NOBOX: variants seen among roughly 807,000 people sequenced by gnomAD.
NOBOX encodes NOBOX oogenesis homeobox.
In NOBOX, 46 loss-of-function variants were observed where a neutral mutation model predicts 60.2. The observed-to-expected ratio is 0.76, with a 90% CI of 0.60 to 0.98. The LOEUF (loss-of-function observed/expected upper bound fraction) is 0.98, where lower values mean the gene tolerates loss of function less well. NOBOX is among the 50% of genes least tolerant of loss of function. The pLI, the probability that NOBOX is intolerant of heterozygous loss-of-function variation, is 0.00. For missense variants in NOBOX, 880 were observed against 865.5 expected (o/e 1.02, Z -0.21); for synonymous variants, 360 against 346.3 (o/e 1.04, Z -0.44).
chr7:144,401,731 A>G lies in NOBOX; in HGVS notation c.293-134T>C. 1.9e-6 allele frequency: 2 copies of G among 1,043,860 alleles called. No individual in the cohort carries two copies. The highest frequency in any genetic ancestry group is 2.5e-5 in the East Asian group (1 of 39,964). 64.7% of individuals were successfully genotyped at this position (1,043,860 alleles called of 1,614,324 possible). A position where few individuals can be genotyped will look rare whatever the true frequency, so the allele number is the denominator to read the frequency against. On this transcript the variant is annotated intron_variant, in intron 3 of 9. Transcript: ENST00000467773. This position sits in a 1 kb window ranked among gnomAD's most constrained non-coding sequence, Gnocchi z 4.2. The stretch of plus-strand genomic sequence containing the variant: ...TTGTCTACCTATCAAATGGGGTAAT[A>G]ATTCCACACTTACCTTCCTAGCTTG...
At chr7:144,403,510 TCCCACCCTA>T in intron 2 of NOBOX, 138 bp downstream of exon 1, 2 of 349,464 alleles carry the variant, frequency 5.7e-6, no homozygotes, top group Non-Finnish European at 1.1e-5. Context: ...GTCGGCCTCC[TCCCACCCTA>T]CCCCACCCGA....
chr7:144,402,748 A>ATTTTTTT (rs1218483822), intron 2 of NOBOX, among the ~76,000 whole-genome samples: 3 of 93,418 alleles, frequency 3.2e-5, no homozygotes, highest in African/African-American at 8.9e-5. Flanking sequence ...AAGGAATAAC[A>ATTTTTTT]TTTTTTTTTT....
chr7:144,406,379 G>T (rs931331360), intron 1 of NOBOX, among the ~76,000 whole-genome samples: 1 of 152,164 alleles, frequency 6.6e-6, no homozygotes, highest in African/African-American at 2.4e-5. Context: ...CCAACATGGT[G>T]AAACCCTGTC....
At chr7:144,399,320 C>T in intron 7 of NOBOX, 77 bp downstream of exon 5, 2 of 1,151,290 alleles carry the variant, frequency 1.7e-6, no homozygotes, top group Non-Finnish European at 1.3e-6. Context: ...TCCAGTCACT[C>T]CCACCTCCAT....
chr7:144,403,341 T>A (rs1271604474), intron 2 of NOBOX, among the ~76,000 whole-genome samples: 4 of 152,186 alleles, frequency 2.6e-5, no homozygotes, highest in Admixed American at 2.6e-4. Context: ...ATGGGAGTGA[T>A]GTGCGCTAGT....
At chr7:144,399,270 T>C in intron 7 of NOBOX, 92 bp from the exon 6 acceptor site, 1 of 928,256 alleles carries the variant, frequency 1.1e-6, no homozygotes, top group Non-Finnish European at 1.7e-6. Flanking sequence ...CATGCCCAGG[T>C]CCCCCTGAAT....
intron 2 of NOBOX, chr7:144,404,469 G>C (rs899086486): frequency 6.8e-6 from 8 of 1,169,820 alleles, no homozygotes; most frequent in Non-Finnish European, 9.9e-6. Context: ...GGCTGGGCTA[G>C]AACTCCTGAC....
Position 144,398,353 on chromosome 7 carries a change from C to T in NOBOX, c.1703G>A (p.Gly568Asp), listed in dbSNP as rs1035440442. Residue 568 changes from glycine (G) to aspartate (D), a missense_variant, in exon 9 of 10, where the codon GGC (glycine) becomes GAC (aspartate). By Grantham distance (94) the Gly-to-Asp change is moderately conservative. Transcript: ENST00000467773. ...ACCTGGGCAATAGCCCTGCGATGTG[C>T]CCCCGCTGGGGCCACAGGGAAACAT... 12 of 1,536,994 alleles carry T rather than the reference C, an allele frequency of 7.8e-6. No individual in the cohort carries two copies. Among genetic ancestry groups the T allele is most frequent in the Non-Finnish European group, 1.0e-5 (12 of 1,146,786 alleles).
Position 144,399,129 on chromosome 7 carries a change from G to A in NOBOX, c.1290C>T (p.Pro430=). 6.4e-7 allele frequency: 1 copy of A among 1,574,706 alleles called. No homozygotes were observed. Among genetic ancestry groups the A allele is most frequent in the Non-Finnish European group, 8.7e-7 (1 of 1,150,038 alleles). The stretch of plus-strand genomic sequence containing the variant: ...TCACCACCCTCTGAGCACCCTCACT[G>A]GGTTGGGTGGGGGCCAAAGTCTGGT... Residue 430 remains proline (P), a synonymous_variant, in exon 8 of 10, where the codon CCC becomes CCT. Coordinates refer to ENST00000467773, the MANE Select transcript of NOBOX (RefSeq NM_001080413.3).
At chr7:144,397,646 G>T (rs1375342802) in intron 9 of NOBOX, 105 bp from the exon 8 acceptor site, 1 of 985,416 alleles carries the variant, frequency 1.0e-6, no homozygotes, top group Non-Finnish European at 1.5e-6. Flanking sequence ...ACACATAGAC[G>T]CAGCTTAGGA....
At position 144,401,823 on chromosome 7, in the gene NOBOX, T is replaced by C; in HGVS notation, c.292+46A>G. The stretch of plus-strand genomic sequence containing the variant: ...AAATGTAGACAAATTTATGCAATTC[T>C]GAGACGGCGTTAGCTCATGGTATCT... On this transcript the variant is annotated intron_variant, in intron 3 of 9. Transcript: ENST00000467773. This position sits in a 1 kb window ranked among gnomAD's most constrained non-coding sequence, Gnocchi z 4.2. 7.5e-7 allele frequency: 1 copy of C among 1,341,858 alleles called. No individual in the cohort carries two copies. The allele number at this position is 1,341,858 out of a possible 1,614,324, so 83.1% of individuals were successfully genotyped here. A position where few individuals can be genotyped will look rare whatever the true frequency, so the allele number is the denominator to read the frequency against.
Position 144,397,426 on chromosome 7 carries a change from TG to T in NOBOX, c.1889del (p.Pro630GlnfsTer?). On this transcript the variant is annotated frameshift_variant, in exon 10 of 10. Transcript: ENST00000467773. LOFTEE classifies it low-confidence loss of function (END_TRUNC). ...TGCCCAGAGCCTGGGGGCAGGGAGTTGGAAATAGATCAGGAAAGTAGCCATC... is the reference window on the plus strand; with the variant it reads ...TGCCCAGAGCCTGGGGGCAGGGAGTTGAAATAGATCAGGAAAGTAGCCATC... 3 of 1,537,100 alleles carry T rather than the reference TG, an allele frequency of 2.0e-6. No homozygotes were observed.
rs1391235530 is a variant in NOBOX at position 144,401,435 on chromosome 7, C to T, written c.455G>A (p.Gly152Glu). 1.2e-6 allele frequency: 2 copies of T among 1,606,460 alleles called. No homozygotes were observed. Among genetic ancestry groups the T allele is most frequent in the African/African-American group, 1.3e-5 (1 of 74,712 alleles). The change falls in exon 4 of 10, where the codon GGG becomes GAG. Residue 152 changes from glycine to glutamate, a missense_variant. Physicochemically the swap from Gly to Glu is moderately conservative, Grantham distance 98 (BLOSUM62 -2). Transcript: ENST00000467773. This position sits in a 1 kb window ranked among gnomAD's most constrained non-coding sequence, Gnocchi z 4.2. The stretch of plus-strand genomic sequence containing the variant: ...CGGGCACAGTCTCCCAGCATCAGCC[C>T]CGGTGGCTTCTCCAGAGACTGCTGG...
intron 4 of NOBOX, 26 bp from the exon 3 acceptor site, chr7:144,400,338 G>A (rs755032425): frequency 2.5e-6 from 4 of 1,604,846 alleles, no homozygotes; most frequent in Middle Eastern, 1.7e-4. Flanking sequence ...ACTTGTGTGA[G>A]GAGGACAAAT....
chr7:144,404,556 T>C lies in NOBOX; in HGVS notation c.210A>G (p.Ser70=), dbSNP rs748590746. The C allele has an allele frequency of 1.2e-6, 2 of 1,612,776 alleles. No individual in the cohort carries two copies. Among genetic ancestry groups the C allele is most frequent in the Admixed American group, 1.7e-5 (1 of 59,960 alleles). ...GAGCCACAGCGCTCGCCCCCCGTAC[T>C]GATTTGAGGGTCTCCAGAGCACAAA... The change falls in exon 2 of 10, where the codon TCA becomes TCG. Residue 70 remains serine (S), a splice_region_variant and synonymous_variant. Transcript: ENST00000467773.
At chr7:144,399,300 A>T (rs1394512684) in intron 7 of NOBOX, 97 bp downstream of exon 5, 2 of 1,029,870 alleles carry the variant, frequency 1.9e-6, no homozygotes, top group South Asian at 1.4e-5. Context: ...TGGCTGAAAC[A>T]CTGGAGGACT....
intron 1 of NOBOX, among the ~76,000 whole-genome samples, chr7:144,408,913 C>T (rs2054003593): frequency 6.6e-6 from 1 of 152,184 alleles, no homozygotes; most frequent in South Asian, 2.1e-4. Flanking sequence ...TAAATACACA[C>T]CAGTGCATGA....
At position 144,404,291 on chromosome 7, in the gene NOBOX, C is replaced by T. The variant is rs6464586; in HGVS notation, c.210+265G>A. ...TGAGACGGAGTCTTGCTCTGTCGCC[C>T]AGGCTGGAGTGCAGTGGGGGATCTC... On this transcript the variant is annotated intron_variant, in intron 2 of 9. Transcript: ENST00000467773. Among the ~76,000 whole-genome samples the T allele has an allele frequency of 0.034, 5,250 of 152,324 alleles. 324 individuals carry two copies. Among genetic ancestry groups the T allele is most frequent in the African/African-American group, 0.12 (4,960 of 41,554 alleles).
rs1466659477 is a variant in NOBOX, at chr7:144,398,509, G to A, written c.1547C>T (p.Pro516Leu). ...CTGTGGAGCCTGGGAGAACTGGAAG[G>A]GTCCTGGCTGGTTGCTCTGTTGGTA... The change falls in exon 9 of 10, where the codon CCC becomes CTC. Residue 516 changes from proline to leucine, a missense_variant. Physicochemically the swap from Pro to Leu is moderately conservative, Grantham distance 98. Coordinates refer to ENST00000467773, the MANE Select transcript of NOBOX (RefSeq NM_001080413.3). 10 of 1,536,544 alleles carry A rather than the reference G, an allele frequency of 6.5e-6. No individual in the cohort carries two copies. Among genetic ancestry groups the A allele is most frequent in the African/African-American group, 1.4e-5 (1 of 72,982 alleles).
Sources: allele counts gnomAD v4.1 joint callset (sites outside exome capture counted in the v4.1 genomes callset), GRCh38; gene constraint gnomAD v4.1.1; non-coding constraint Gnocchi (gnomAD v3.1); transcripts MANE v1.5; gene names NCBI Gene and HGNC (gene_info 2026-07-23, HGNC 2026-07-21).